The following CWC27 variants were observed in gnomAD, a reference collection of about 807,000 sequenced individuals.
CWC27 encodes the protein spliceosome-associated protein CWC27 homolog.
A neutral mutation model predicts 63.6 loss-of-function variants in CWC27; 47 were observed. The ratio of observed to expected loss-of-function variants is 0.74; its 90% CI spans 0.58 to 0.94. CWC27 has a LOEUF of 0.94. CWC27 is among the 40% of genes least tolerant of loss of function. The pLI, the probability that CWC27 is intolerant of heterozygous loss-of-function variation, is 0.00. For missense variants in CWC27, 495 were observed against 554.3 expected (o/e 0.89, Z 1.07); for synonymous variants, 175 against 179.8 (o/e 0.97, Z 0.22).
At chr5:64,999,539 C>T (rs978596652) in intron 13 of CWC27, among the ~76,000 whole-genome samples, 2 of 152,172 alleles carry the variant, frequency 1.3e-5, no homozygotes, top group Admixed American at 1.3e-4. Flanking sequence ...TGTATACTTC[C>T]ATGAGATCAA....
At chr5:64,905,214 A>C (rs1234663597) in intron 11 of CWC27, among the ~76,000 whole-genome samples, 2 of 151,378 alleles carry the variant, frequency 1.3e-5, no homozygotes, top group Admixed American at 6.6e-5. Context: ...AAAAAAAAAA[A>C]AAAAAAAAAA....
chr5:64,990,251 G>GTT lies in CWC27; in HGVS notation c.1256+13026_1256+13027dup, dbSNP rs1217198416. Among the ~76,000 whole-genome samples, 51 of 26,964 alleles carry GTT rather than the reference G, an allele frequency of 1.9e-3. 2 individuals are homozygous for GTT. The highest frequency in any genetic ancestry group is 2.9e-3 in the African/African-American group (17 of 5,944). 17.7% of individuals were successfully genotyped at this position (26,964 alleles called of 152,430 possible). A position where few individuals can be genotyped will look rare whatever the true frequency, so the allele number is the denominator to read the frequency against. On this transcript the variant is annotated intron_variant, in intron 13 of 13. Transcript: ENST00000381070. ...TAGAGTTTTTATTTGTTTTTTTTTTGTTTTTTTTTTTTTTGTTTTTTTTTT... is the reference window on the plus strand; with the variant it reads ...TAGAGTTTTTATTTGTTTTTTTTTTGTTTTTTTTTTTTTTTTGTTTTTTTTTT...
At chr5:64,924,292 A>G (rs991231755) in intron 11 of CWC27, among the ~76,000 whole-genome samples, 3 of 152,224 alleles carry the variant, frequency 2.0e-5, no homozygotes, top group African/African-American at 7.2e-5. Flanking sequence ...CTAAAATGAT[A>G]TATTGTTCTA....
chr5:64,849,715 A>G (rs1746083474), intron 10 of CWC27, among the ~76,000 whole-genome samples: 1 of 151,866 alleles, frequency 6.6e-6, no homozygotes, highest in South Asian at 2.1e-4. Context: ...GGGGGGTGAT[A>G]GGATCATGGG....
intron 11 of CWC27, among the ~76,000 whole-genome samples, chr5:64,952,214 T>C (rs1748722750): frequency 6.6e-6 from 1 of 152,012 alleles, no homozygotes; most frequent in Non-Finnish European, 1.5e-5. Flanking sequence ...ATTTAGGAAA[T>C]AATGACAAGA....
chr5:64,900,979 A>T (rs1256518478), intron 11 of CWC27, among the ~76,000 whole-genome samples: 1 of 151,840 alleles, frequency 6.6e-6, no homozygotes, highest in Non-Finnish European at 1.5e-5. Flanking sequence ...TTCTTAAAAC[A>T]TTATGAGACT....
Position 65,004,861 on chromosome 5 carries a change from CATATATATATATATATAT to C in CWC27, c.1257-13270_1257-13253del, listed in dbSNP as rs1170127729. 3.8e-3 allele frequency among the ~76,000 whole-genome samples: 173 copies of C among 45,466 alleles called. 3 individuals carry two copies. The South Asian group carries it at 0.057, about 15-fold the overall frequency. The allele number at this position is 45,466 out of a possible 152,430, so 29.8% of individuals were successfully genotyped here. A position where few individuals can be genotyped will look rare whatever the true frequency, so the allele number is the denominator to read the frequency against. On this transcript the variant is annotated intron_variant, in intron 13 of 13. Transcript: ENST00000381070. ...TGGCCTTCAGAGGGAAAGACTTTTT[CATATATATATATATATAT>C]ATATATATATATATATATATATATA... is the stretch of plus-strand genomic sequence containing the variant.
intron 11 of CWC27, among the ~76,000 whole-genome samples, chr5:64,939,969 A>G (rs1748439781): frequency 6.6e-6 from 1 of 152,080 alleles, no homozygotes; most frequent in East Asian, 1.9e-4. Flanking sequence ...CCCTTCCCCC[A>G]CCAAGCTGGG....
chr5:64,930,799 C>T (rs1244043954), intron 11 of CWC27, among the ~76,000 whole-genome samples: 1 of 152,076 alleles, frequency 6.6e-6, no homozygotes, highest in African/African-American at 2.4e-5. Context: ...GTATGGACAC[C>T]ATATGTCTCT....
chr5:64,889,385 G>A (rs895795457), intron 11 of CWC27, among the ~76,000 whole-genome samples: 4 of 152,266 alleles, frequency 2.6e-5, no homozygotes, highest in East Asian at 3.9e-4. Context: ...TTCTGTGTAA[G>A]TCTAAAATAA....
intron 11 of CWC27, among the ~76,000 whole-genome samples, chr5:64,926,087 G>C (rs1199630378): frequency 6.6e-6 from 1 of 152,052 alleles, no homozygotes; most frequent in African/African-American, 2.4e-5. Flanking sequence ...CATTTTAAAA[G>C]ACATTTTTCT....
At chr5:64,999,019 C>T (rs1749686226) in intron 13 of CWC27, among the ~76,000 whole-genome samples, 2 of 151,782 alleles carry the variant, frequency 1.3e-5, no homozygotes, top group Non-Finnish European at 2.9e-5. Flanking sequence ...AAAGTCATCC[C>T]TGCTCTGCTA....
chr5:64,852,963 G>T (rs770204824), intron 10 of CWC27, among the ~76,000 whole-genome samples: 1 of 152,112 alleles, frequency 6.6e-6, no homozygotes, highest in Non-Finnish European at 1.5e-5. Context: ...TTAGGGCATT[G>T]ATTCAATGAA....
At chr5:64,892,106 C>T (rs1471516567) in intron 11 of CWC27, among the ~76,000 whole-genome samples, 2 of 152,076 alleles carry the variant, frequency 1.3e-5, no homozygotes, top group Non-Finnish European at 2.9e-5. Flanking sequence ...TGTTGCTACT[C>T]TTATTAAGAA....
intron 10 of CWC27, among the ~76,000 whole-genome samples, chr5:64,845,365 G>T (rs1296176446): frequency 6.6e-6 from 1 of 152,060 alleles, no homozygotes; most frequent in Non-Finnish European, 1.5e-5. Context: ...AACTAATAAA[G>T]CTTCAGTAAT....
intron 10 of CWC27, among the ~76,000 whole-genome samples, chr5:64,875,932 A>G (rs1053156682): frequency 2.0e-5 from 3 of 152,120 alleles, no homozygotes; most frequent in African/African-American, 7.2e-5. Context: ...AGTATGCTAA[A>G]TAATTTCCAT....
intron 13 of CWC27, among the ~76,000 whole-genome samples, chr5:65,002,350 T>G (rs1580775326): frequency 6.6e-6 from 1 of 152,236 alleles, no homozygotes; most frequent in East Asian, 1.9e-4. Context: ...TTCTACTAAT[T>G]TAGGGTTTGG....
chr5:64,896,241 C>A (rs1204062582), intron 11 of CWC27, among the ~76,000 whole-genome samples: 4 of 152,058 alleles, frequency 2.6e-5, no homozygotes, highest in Non-Finnish European at 4.4e-5. Context: ...GTCCTTCAGA[C>A]AAACAAAAGC....
chr5:64,929,999 G>A (rs1338553619), intron 11 of CWC27, among the ~76,000 whole-genome samples: 1 of 151,520 alleles, frequency 6.6e-6, no homozygotes, highest in Non-Finnish European at 1.5e-5. Context: ...AAACTGTGAT[G>A]TATTCGTACA....
Sources: allele counts gnomAD v4.1 joint callset (sites outside exome capture counted in the v4.1 genomes callset), GRCh38; gene constraint gnomAD v4.1.1; transcripts MANE v1.5; gene names NCBI Gene and HGNC (gene_info 2026-07-23, HGNC 2026-07-21).